BAHCC1: variants seen among roughly 807,000 people sequenced by gnomAD.
The protein encoded by BAHCC1 is BAH and coiled-coil domain-containing protein 1.
Under a neutral mutation model 88.2 loss-of-function variants are expected in BAHCC1, and 43 were observed. The observed-to-expected ratio is 0.49, with a 90% CI of 0.38 to 0.63. BAHCC1 has a LOEUF of 0.63. BAHCC1 is among the 20% of genes least tolerant of loss of function. The pLI is 0.00. For synonymous variants in BAHCC1, 1,510 were observed against 745.5 expected (o/e 2.03, Z -16.71); for missense variants, 3,023 against 1,654.8 (o/e 1.83, Z -14.34).
chr17:81,447,327 AG>A lies in BAHCC1; in HGVS notation c.3459del (p.Leu1154TyrfsTer179). 1 of 746,040 alleles carries A rather than the reference AG, an allele frequency of 1.3e-6. No individual in the cohort carries two copies. The highest frequency in any genetic ancestry group is 2.5e-6 in the Non-Finnish European group (1 of 402,790). 46.2% of individuals were successfully genotyped at this position (746,040 alleles called of 1,614,324 possible). A position where few individuals can be genotyped will look rare whatever the true frequency, so the allele number is the denominator to read the frequency against. ...QGKAADPSPL[E>X]GLQELQCAAL... Reference sequence around the variant, plus strand: ...AAGGCAGCGGACCCCAGCCCACTAGAGGGGCTACAAGAACTGCAATGTGCGG... The same window carrying A: ...AAGGCAGCGGACCCCAGCCCACTAGAGGGCTACAAGAACTGCAATGTGCGG... On this transcript the variant is annotated frameshift_variant, in exon 11 of 28. Transcript: ENST00000675386. LOFTEE classifies it high-confidence loss of function.
In BAHCC1 at chr17:81,445,699, G is replaced by A. The variant is rs1263756762; in HGVS notation, c.3163+18G>A. On this transcript the variant is annotated intron_variant, in intron 10 of 27. Coordinates refer to ENST00000675386, the MANE Select transcript of BAHCC1 (RefSeq NM_001377448.1). The stretch of plus-strand genomic sequence containing the variant: ...CGAACCAGGTGAGAGTAGCCGCCTG[G>A]CCCGGCCCACTGTGCTCCGCTCCAA... The A allele has an allele frequency of 1.4e-6, 1 of 719,310 alleles. No homozygotes were observed. Among genetic ancestry groups the A allele is most frequent in the Non-Finnish European group, 2.6e-6 (1 of 386,558 alleles). The allele number at this position is 719,310 out of a possible 1,614,324, so 44.6% of individuals were successfully genotyped here. A position where few individuals can be genotyped will look rare whatever the true frequency, so the allele number is the denominator to read the frequency against.
chr17:81,408,391 C>T (rs2063906970), intron 2 of BAHCC1, among the ~76,000 whole-genome samples: 1 of 151,508 alleles, frequency 6.6e-6, no homozygotes, highest in African/African-American at 2.4e-5. Context: ...CCCCACCTGC[C>T]TCCCACCCCC....
chr17:81,443,735 G>T (rs1395752865), intron 5 of BAHCC1, 74 bp from the exon 6 acceptor site: 6 of 691,270 alleles, frequency 8.7e-6, no homozygotes, highest in Non-Finnish European at 1.6e-5. Context: ...TCGAAGCGGG[G>T]TCACTGCTTG....
In BAHCC1 at chr17:81,426,891, C is replaced by G. The variant is rs1041039451; in HGVS notation, c.270C>G (p.Pro90=). Residue 90 remains proline, a synonymous_variant, in exon 3 of 28, where the codon CCC becomes CCG. Transcript: ENST00000675386. ...SSLGSAASTH[P]SGPSSSPPEQ... ...TGGGCTCGGCAGCCTCCACGCACCC[C>G]AGCGGCCCCAGCTCCTCCCCCCCTG... 36 of 399,052 alleles carry G rather than the reference C, an allele frequency of 9.0e-5. No individual in the cohort carries two copies. The highest frequency in any genetic ancestry group is 6.2e-4 in the African/African-American group (30 of 48,722). The allele number at this position is 399,052 out of a possible 1,614,324, so 24.7% of individuals were successfully genotyped here.
At chr17:81,406,686 T>G (rs1170131295) in intron 2 of BAHCC1, among the ~76,000 whole-genome samples, 1 of 152,242 alleles carries the variant, frequency 6.6e-6, no homozygotes, top group African/African-American at 2.4e-5. Flanking sequence ...ATAATATTAC[T>G]GCCTCCCGTG....
chr17:81,463,883 A>G lies in BAHCC1; in HGVS notation c.*66A>G, dbSNP rs1237478160. The stretch of plus-strand genomic sequence containing the variant: ...TGTGTGCGGAGCCTGGCGTCGGCCA[A>G]GCCACCGGGCAGGAGGCAGCCCCGG... On this transcript the variant is annotated 3_prime_UTR_variant, in exon 28 of 28. Coordinates refer to ENST00000675386, the MANE Select transcript of BAHCC1 (RefSeq NM_001377448.1). 2 of 690,852 alleles carry G rather than the reference A, an allele frequency of 2.9e-6. No homozygotes were observed. Among genetic ancestry groups the G allele is most frequent in the African/African-American group, 3.5e-5 (2 of 56,894 alleles). The allele number at this position is 690,852 out of a possible 1,614,324, so 42.8% of individuals were successfully genotyped here.
chr17:81,417,228 A>G (rs1555648865), intron 2 of BAHCC1, among the ~76,000 whole-genome samples: 1 of 152,124 alleles, frequency 6.6e-6, no homozygotes, highest in Non-Finnish European at 1.5e-5. Context: ...TGGGATGGGA[A>G]GCGTTCAGTT....
At position 81,458,289 on chromosome 17, in the gene BAHCC1, G is replaced by A. The variant is rs2029909145; in HGVS notation, c.5166G>A (p.Lys1722=). The A allele has an allele frequency of 1.3e-6, 1 of 749,690 alleles. No individual in the cohort carries two copies. Among genetic ancestry groups the A allele is most frequent in the Non-Finnish European group, 2.5e-6 (1 of 404,064 alleles). The allele number at this position is 749,690 out of a possible 1,614,324, so 46.4% of individuals were successfully genotyped here. Residue 1722 remains lysine, a synonymous_variant, in exon 18 of 28, where the codon AAG becomes AAA. Transcript: ENST00000675386. ...GGCCCCCAGGTGCGCTGGGCAAGAA[G>A]AAAGCCAAGGGCAAGGCCAAGGGCA... ...GQRPPGALGK[K]KAKGKAKGSL... is the part of the protein sequence containing the mutation.
rs1356808202 is a variant in BAHCC1, at chr17:81,447,328, G to A, written c.3456G>A (p.Glu1152=). ...AGGCAGCGGACCCCAGCCCACTAGA[G>A]GGGCTACAAGAACTGCAATGTGCGG... The part of the protein sequence containing the change: ...QGKAADPSPL[E]GLQELQCAAL... Residue 1152 remains glutamate, a synonymous_variant, in exon 11 of 28, where the codon GAG becomes GAA. Transcript: ENST00000675386. The A allele has an allele frequency of 2.7e-6, 2 of 746,454 alleles. No individual in the cohort carries two copies. Among genetic ancestry groups the A allele is most frequent in the Non-Finnish European group, 5.0e-6 (2 of 403,058 alleles). 46.2% of individuals were successfully genotyped at this position (746,454 alleles called of 1,614,324 possible).
chr17:81,460,151 G>A, intron 23 of BAHCC1, 126 bp from the exon 24 acceptor site: 2 of 637,832 alleles, frequency 3.1e-6, no homozygotes. Context: ...TCCACTGTCT[G>A]TGTGGTCAGG....
intron 2 of BAHCC1, among the ~76,000 whole-genome samples, chr17:81,425,823 AATGTGGTTGGTGATTTGGTGATG>A (rs2094069119): frequency 2.5e-5 from 2 of 80,432 alleles, no homozygotes; most frequent in Admixed American, 2.9e-4. Flanking sequence ...GGTGGTGGGT[AATGTGGTTGGTGATTTGGTGATG>A]ATGTGGTTGG....
chr17:81,428,914 C>G (rs958454835), intron 3 of BAHCC1, among the ~76,000 whole-genome samples: 120 of 152,330 alleles, frequency 7.9e-4, no homozygotes, highest in Non-Finnish European at 1.5e-3. Flanking sequence ...CCACAAGTGT[C>G]GACGTGAGCC....
At position 81,447,759 on chromosome 17, in the gene BAHCC1, C is replaced by T. The variant is rs868941285; in HGVS notation, c.3887C>T (p.Pro1296Leu). The stretch of plus-strand genomic sequence containing the variant: ...GGGCCCCCCAGCACAGTCCCCCTGC[C>T]TCATAGCTCAGGGATTCATGGGATC... Reference protein sequence around the residue: ...ASGPPSTVPLPHSSGIHGIAL... With the variant: ...ASGPPSTVPLLHSSGIHGIAL... The change falls in exon 11 of 28, where the codon CCT becomes CTT. Residue 1296 changes from proline to leucine, a missense_variant. Pro to Leu is a moderately conservative substitution (Grantham distance 98). Coordinates refer to ENST00000675386, the MANE Select transcript of BAHCC1 (RefSeq NM_001377448.1). 1.3e-6 allele frequency: 1 copy of T among 744,382 alleles called. No homozygotes were observed. Among genetic ancestry groups the T allele is most frequent in the Non-Finnish European group, 2.5e-6 (1 of 400,408 alleles). 46.1% of individuals were successfully genotyped at this position (744,382 alleles called of 1,614,324 possible).
intron 2 of BAHCC1, chr17:81,421,832 G>C (rs1344210770): frequency 4.7e-6 from 1 of 214,832 alleles, no homozygotes; most frequent in African/African-American, 2.4e-5. Flanking sequence ...CCTTGGGGGG[G>C]ATGGTAGGGT....
chr17:81,400,694 G>T (rs569463743), intron 2 of BAHCC1: 2 of 153,754 alleles, frequency 1.3e-5, no homozygotes, highest in Non-Finnish European at 2.9e-5. Context: ...AGAGGAGAGC[G>T]TGGGGCGCCG....
In BAHCC1 at chr17:81,463,536, G is replaced by A. The variant is rs1463132388; in HGVS notation, c.7621-75G>A. On this transcript the variant is annotated intron_variant, in intron 27 of 27. Coordinates refer to ENST00000675386, the MANE Select transcript of BAHCC1 (RefSeq NM_001377448.1). ...TGACCCTTACAGAGCATGGGTGGGC[G>A]GGTGGTCTTTCCTGGCTGGGCAGGG... 54 of 759,722 alleles carry A rather than the reference G, an allele frequency of 7.1e-5. No individual in the cohort carries two copies. In the East Asian group the frequency reaches 7.5e-4, roughly 10 times the overall value. 47.1% of individuals were successfully genotyped at this position (759,722 alleles called of 1,614,324 possible).
chr17:81,445,560 C>T lies in BAHCC1; in HGVS notation c.3042C>T (p.Ala1014=). 1.4e-6 allele frequency: 1 copy of T among 723,932 alleles called. No individual in the cohort carries two copies. Among genetic ancestry groups the T allele is most frequent in the South Asian group, 1.5e-5 (1 of 67,942 alleles). The allele number at this position is 723,932 out of a possible 1,614,324, so 44.8% of individuals were successfully genotyped here. ...CCACCCCACCACCTCGGCCCAGCGC[C>T]CCGTGCACTTTAAATGTCTGCCCTG... ...SSPTPPPRPS[A]PCTLNVCPAS... Residue 1014 remains alanine (A), a synonymous_variant, in exon 10 of 28, where the codon GCC becomes GCT. Transcript: ENST00000675386.
chr17:81,428,086 C>T (rs2064221280), intron 3 of BAHCC1, among the ~76,000 whole-genome samples: 3 of 152,186 alleles, frequency 2.0e-5, no homozygotes, highest in Non-Finnish European at 4.4e-5. Context: ...GCAGGGGAGG[C>T]CGCTACCTTG....
In BAHCC1 at chr17:81,461,656, C is replaced by A; in HGVS notation, c.6993C>A (p.Ser2331=). ...SGSSTSSSSG[S]VSTSSLCSSD... ...CGTCCACCTCCTCCTCCTCAGGCTCCGTGTCCACCTCCAGCCTCTGCTCCT... is the reference window on the plus strand; with the variant it reads ...CGTCCACCTCCTCCTCCTCAGGCTCAGTGTCCACCTCCAGCCTCTGCTCCT... The change falls in exon 26 of 28, where the codon TCC becomes TCA. Residue 2331 remains serine (S), a synonymous_variant. Coordinates refer to ENST00000675386, the MANE Select transcript of BAHCC1 (RefSeq NM_001377448.1). The A allele has an allele frequency of 1.4e-6, 1 of 734,432 alleles. No homozygotes were observed. Among genetic ancestry groups the A allele is most frequent in the East Asian group, 2.6e-5 (1 of 39,120 alleles). The allele number at this position is 734,432 out of a possible 1,614,324, so 45.5% of individuals were successfully genotyped here. A position where few individuals can be genotyped will look rare whatever the true frequency, so the allele number is the denominator to read the frequency against.
Sources: allele counts gnomAD v4.1 joint callset (sites outside exome capture counted in the v4.1 genomes callset), GRCh38; gene constraint gnomAD v4.1.1; transcripts MANE v1.5; gene names NCBI Gene and HGNC (gene_info 2026-07-23, HGNC 2026-07-21).